The following ANO10 variants were observed in gnomAD, a reference collection of about 807,000 sequenced individuals.
ANO10 encodes anoctamin-10.
A neutral mutation model predicts 74.7 loss-of-function variants in ANO10; 77 were observed. The ratio of observed to expected loss-of-function variants is 1.03; its 90% CI spans 0.86 to 1.25. ANO10 has a LOEUF of 1.25. Among genes scored for constraint, ANO10 ranks in the 50% most tolerant of loss-of-function variants. The pLI is 0.00. For missense variants in ANO10, 721 were observed against 778.1 expected, an observed-to-expected ratio of 0.93 and a Z score of 0.87; for synonymous variants, 279 against 284.9, an observed-to-expected ratio of 0.98 and a Z score of 0.21.
intron 11 of ANO10, among the ~76,000 whole-genome samples, chr3:43,438,526 C>A (rs2093109552): frequency 2.0e-5 from 3 of 151,866 alleles, no homozygotes; most frequent in Admixed American, 1.3e-4. Flanking sequence ...AGGTGGATCA[C>A]CTGAGGTTAG....
chr3:43,393,931 T>C (rs1486773187), intron 12 of ANO10, among the ~76,000 whole-genome samples: 1 of 152,104 alleles, frequency 6.6e-6, no homozygotes, highest in Non-Finnish European at 1.5e-5. Flanking sequence ...CTCTACCTGC[T>C]GCCCAGCCCC....
At chr3:43,590,389 C>A (rs372950050) in intron 4 of ANO10, among the ~76,000 whole-genome samples, 34 of 152,114 alleles carry the variant, frequency 2.2e-4, no homozygotes, top group African/African-American at 7.2e-4. Flanking sequence ...ATTCTGAACA[C>A]AAAAGAGTAA....
chr3:43,586,052 T>C (rs1009606179), intron 4 of ANO10, among the ~76,000 whole-genome samples: 1 of 152,190 alleles, frequency 6.6e-6, no homozygotes, highest in Non-Finnish European at 1.5e-5. Context: ...AGAGCACCCA[T>C]GCTTCTGCAA....
intron 11 of ANO10, among the ~76,000 whole-genome samples, chr3:43,506,198 C>T (rs571512995): frequency 6.6e-6 from 1 of 152,304 alleles, no homozygotes; most frequent in Admixed American, 6.5e-5. Flanking sequence ...TCAGAAATGA[C>T]AATTCCATTT....
intron 12 of ANO10, among the ~76,000 whole-genome samples, chr3:43,397,335 G>A (rs765774437): frequency 3.3e-5 from 5 of 152,058 alleles, no homozygotes; most frequent in African/African-American, 7.2e-5. Context: ...CTGTATTAAC[G>A]CCCTTGCTTG....
At chr3:43,609,688 G>C (rs1307664113) in intron 1 of ANO10, among the ~76,000 whole-genome samples, 1 of 152,160 alleles carries the variant, frequency 6.6e-6, no homozygotes, top group African/African-American at 2.4e-5. Flanking sequence ...GTATAGGTTT[G>C]TAGCCTTATT....
intron 12 of ANO10, among the ~76,000 whole-genome samples, chr3:43,385,290 G>A (rs1379081452): frequency 6.6e-6 from 1 of 152,140 alleles, no homozygotes; most frequent in East Asian, 1.9e-4. Flanking sequence ...AGTGAAAAGG[G>A]AATACTTTTA....
chr3:43,432,699 A>G lies in ANO10; in HGVS notation c.1826T>C (p.Leu609Pro), dbSNP rs940262617. The change falls in exon 12 of 13, where the codon CTT becomes CCT. Residue 609 changes from leucine to proline, a missense_variant. Transcript: ENST00000292246. The stretch of plus-strand genomic sequence containing the variant: ...TGGCTTATCAGGTATGGCAAATGCA[A>G]GTATAAACTTTAAAGCCAGGAGTGC... Reference protein sequence around the residue: ...EHALLALKFILAFAIPDKPRH... With the variant: ...EHALLALKFIPAFAIPDKPRH... 6.2e-7 allele frequency: 1 copy of G among 1,613,842 alleles called. No homozygotes were observed. Among genetic ancestry groups the G allele is most frequent in the African/African-American group, 1.3e-5 (1 of 75,026 alleles).
intron 7 of ANO10, among the ~76,000 whole-genome samples, chr3:43,571,517 G>T (rs1391043105): frequency 6.6e-6 from 1 of 152,142 alleles, no homozygotes; most frequent in Non-Finnish European, 1.5e-5. Context: ...AAAAAATGAT[G>T]AGTTCATGTC....
chr3:43,510,967 GGT>G (rs939724721), intron 11 of ANO10, among the ~76,000 whole-genome samples: 8 of 152,080 alleles, frequency 5.3e-5, no homozygotes, highest in African/African-American at 1.9e-4. Flanking sequence ...CTGTTCTCAA[GGT>G]GTCAAAAATT....
chr3:43,451,577 C>A (rs944750025), intron 11 of ANO10, among the ~76,000 whole-genome samples: 5 of 145,470 alleles, frequency 3.4e-5, no homozygotes, highest in African/African-American at 1.0e-4. Flanking sequence ...TTTAAATCAC[C>A]TTTTTTATGG....
chr3:43,569,244 T>G, intron 7 of ANO10, among the ~76,000 whole-genome samples: 1 of 126,298 alleles, frequency 7.9e-6, no homozygotes, highest in Middle Eastern at 3.8e-3. Context: ...CACAGCCGAA[T>G]TCTACCAGAG....
chr3:43,535,687 T>A (rs2078682825), intron 11 of ANO10, among the ~76,000 whole-genome samples: 1 of 152,156 alleles, frequency 6.6e-6, no homozygotes, highest in African/African-American at 2.4e-5. Context: ...GGGCCACAGT[T>A]AGAGTAGCAC....
chr3:43,688,195 G>C (rs1251686154), intron 1 of ANO10, among the ~76,000 whole-genome samples: 1 of 152,000 alleles, frequency 6.6e-6, no homozygotes, highest in Non-Finnish European at 1.5e-5. Context: ...TGTGCAGCAG[G>C]CACAGGCATC....
chr3:43,527,504 C>A (rs2078257825), intron 11 of ANO10, among the ~76,000 whole-genome samples: 1 of 152,078 alleles, frequency 6.6e-6, no homozygotes, highest in Non-Finnish European at 1.5e-5. Context: ...TCTCATAGGA[C>A]AATGGAGCCG....
At chr3:43,452,010 G>C (rs1433635441) in intron 11 of ANO10, among the ~76,000 whole-genome samples, 2 of 152,126 alleles carry the variant, frequency 1.3e-5, no homozygotes, top group Non-Finnish European at 2.9e-5. Flanking sequence ...CTATTCTAAA[G>C]TCAAATCTAC....
At chr3:43,392,983 T>C (rs1211317095) in intron 12 of ANO10, among the ~76,000 whole-genome samples, 2 of 152,226 alleles carry the variant, frequency 1.3e-5, no homozygotes, top group Non-Finnish European at 2.9e-5. Flanking sequence ...TTTAATCTGA[T>C]TTAATTTGAA....
intron 11 of ANO10, among the ~76,000 whole-genome samples, chr3:43,541,303 A>G (rs1376120017): frequency 6.6e-6 from 1 of 152,226 alleles, no homozygotes; most frequent in Non-Finnish European, 1.5e-5. Flanking sequence ...ACAAAACTAA[A>G]CACTTAATCT....
At chr3:43,407,715 T>C (rs911528158) in intron 12 of ANO10, among the ~76,000 whole-genome samples, 1 of 152,202 alleles carries the variant, frequency 6.6e-6, no homozygotes, top group Non-Finnish European at 1.5e-5. Flanking sequence ...AGCCTCACCA[T>C]GGTGGTGATC....
Sources: allele counts gnomAD v4.1 joint callset (sites outside exome capture counted in the v4.1 genomes callset), GRCh38; gene constraint gnomAD v4.1.1; transcripts MANE v1.5; gene names NCBI Gene and HGNC (gene_info 2026-07-23, HGNC 2026-07-21).